TOP2B: variants seen among roughly 807,000 people sequenced by gnomAD.
TOP2B encodes the protein DNA topoisomerase II beta, also known as DNA topoisomerase 2-beta.
Under a neutral mutation model 193.5 loss-of-function variants are expected in TOP2B, and 51 were observed. The observed-to-expected ratio is 0.26, with a 90% CI of 0.21 to 0.33. The LOEUF (loss-of-function observed/expected upper bound fraction) is 0.33. Among genes scored for constraint, TOP2B ranks in the 10% least tolerant of loss-of-function variants. The pLI, the probability that TOP2B is intolerant of heterozygous loss-of-function variation, is 1.00. For missense variants in TOP2B, 1,378 were observed against 1,909.3 expected (o/e 0.72, Z 5.19); for synonymous variants, 634 against 635.7 (o/e 1.00, Z 0.04).
At chr3:25,631,950 T>C (rs1702971248) in intron 10 of TOP2B, among the ~76,000 whole-genome samples, 1 of 152,076 alleles carries the variant, frequency 6.6e-6, no homozygotes, top group Non-Finnish European at 1.5e-5. Flanking sequence ...GATTGATTCA[T>C]CTCCATTATT....
chr3:25,609,673 C>T lies in TOP2B; in HGVS notation c.3826G>A (p.Glu1276Lys). Residue 1276 changes from glutamate to lysine, a missense_variant, in exon 29 of 36, where the codon GAA (glutamate) becomes AAA (lysine). Physicochemically the swap from Glu to Lys is moderately conservative, Grantham distance 56. Around this residue, in one of 9 missense-constraint regions of TOP2B, gnomAD observed 556 missense variants for 584.2 expected, o/e 0.95. Coordinates refer to ENST00000264331, the MANE Select transcript of TOP2B (RefSeq NM_001330700.2). ...TCTACTGGTGCTCCACTGAATTCTT[C>T]ATCAAATTCCACTTTTACTGCTGCA... ...DTAAVKVEFD[E>K]EFSGAPVEGA... 1 of 1,523,390 alleles carries T rather than the reference C, an allele frequency of 6.6e-7. No individual in the cohort carries two copies. The highest frequency in any genetic ancestry group is 8.8e-7 in the Non-Finnish European group (1 of 1,141,516). 94.4% of individuals were successfully genotyped at this position (1,523,390 alleles called of 1,614,324 possible). A position where few individuals can be genotyped will look rare whatever the true frequency, so the allele number is the denominator to read the frequency against.
At chr3:25,650,537 G>A (rs546507564) in intron 1 of TOP2B, among the ~76,000 whole-genome samples, 1 of 152,264 alleles carries the variant, frequency 6.6e-6, no homozygotes, top group East Asian at 1.9e-4. Context: ...TAAAAGCTTT[G>A]CTCTTGTCTG....
At position 25,632,800 on chromosome 3, in the gene TOP2B, GAA is replaced by G; in HGVS notation, c.1027-8_1027-7del. The G allele has an allele frequency of 7.0e-6, 11 of 1,580,532 alleles. No individual in the cohort carries two copies. Among genetic ancestry groups the G allele is most frequent in the Non-Finnish European group, 7.8e-6 (9 of 1,161,128 alleles). Reference sequence around the variant, plus strand: ...TAATCCACGTGCCGTCCACCCTAAAGAAAAAAAAATATATGAAATCTGAAATC... The same window carrying G: ...TAATCCACGTGCCGTCCACCCTAAAGAAAAAAATATATGAAATCTGAAATC... On this transcript the variant is annotated splice_region_variant and splice_polypyrimidine_tract_variant and intron_variant, in intron 8 of 35. Transcript: ENST00000264331.
At chr3:25,639,252 T>C (rs1023826093) in intron 4 of TOP2B, among the ~76,000 whole-genome samples, 1 of 152,244 alleles carries the variant, frequency 6.6e-6, no homozygotes, top group African/African-American at 2.4e-5. Flanking sequence ...CAACTCTAAA[T>C]AAAGAACACT....
intron 25 of TOP2B, among the ~76,000 whole-genome samples, chr3:25,616,874 T>G (rs1465561697): frequency 6.6e-6 from 1 of 151,932 alleles, no homozygotes; most frequent in Non-Finnish European, 1.5e-5. Context: ...CTAAGAACAC[T>G]TCCAGAAATT....
At chr3:25,641,948 C>A (rs1320209779) in intron 4 of TOP2B, among the ~76,000 whole-genome samples, 1 of 152,008 alleles carries the variant, frequency 6.6e-6, no homozygotes, top group African/African-American at 2.4e-5. Flanking sequence ...TAAATTATGT[C>A]ATAAATAATG....
intron 30 of TOP2B, among the ~76,000 whole-genome samples, 157 bp downstream of exon 30, chr3:25,609,026 G>T (rs1457350149): frequency 6.6e-6 from 1 of 152,108 alleles, no homozygotes; most frequent in African/African-American, 2.4e-5. Context: ...GTCCAACTTT[G>T]CTAGAAAGAC....
chr3:25,610,783 G>A (rs1345837433), intron 28 of TOP2B, among the ~76,000 whole-genome samples: 1 of 152,116 alleles, frequency 6.6e-6, no homozygotes, highest in Non-Finnish European at 1.5e-5. Flanking sequence ...AGTAGAAAAG[G>A]GGAGAAATCA....
Position 25,645,467 on chromosome 3 carries a change from G to C in TOP2B, c.73C>G (p.Leu25Val). The C allele has an allele frequency of 6.2e-7, 1 of 1,602,800 alleles. No homozygotes were observed. Among genetic ancestry groups the C allele is most frequent in the Non-Finnish European group, 8.5e-7 (1 of 1,175,106 alleles). The part of the protein sequence containing the change: ...GGNGALTWVT[L>V]FDQNNAAKKE... ...TTTGCAGCATTGTTCTGATCAAAAA[G>C]AGTCTAAAATTAACCAAAAAATCAA... The change falls in exon 2 of 36, where the codon CTT becomes GTT. Residue 25 changes from leucine (L) to valine (V), a missense_variant. Leu to Val is a conservative substitution (Grantham distance 32). Around this residue, in one of 9 missense-constraint regions of TOP2B, gnomAD observed 83 missense variants for 59.3 expected, o/e 1.40. Transcript: ENST00000264331.
chr3:25,654,575 A>G (rs1703691611), intron 1 of TOP2B, among the ~76,000 whole-genome samples: 1 of 152,068 alleles, frequency 6.6e-6, no homozygotes, highest in South Asian at 2.1e-4. Context: ...CAGAAATACA[A>G]AAAAAAATCT....
At chr3:25,644,564 G>A (rs137880490) in intron 2 of TOP2B, among the ~76,000 whole-genome samples, 5 of 151,734 alleles carry the variant, frequency 3.3e-5, no homozygotes, top group African/African-American at 9.7e-5. Context: ...AGCCAGGCGT[G>A]GTGGCGCATG....
At chr3:25,598,836 A>G (rs959975792) in intron 35 of TOP2B, among the ~76,000 whole-genome samples, 1 of 152,208 alleles carries the variant, frequency 6.6e-6, no homozygotes, top group African/African-American at 2.4e-5. Context: ...ATGGGAGGAA[A>G]CAAGACTCCT....
At chr3:25,649,709 T>C (rs1405780310) in intron 1 of TOP2B, among the ~76,000 whole-genome samples, 1 of 151,492 alleles carries the variant, frequency 6.6e-6, no homozygotes, top group East Asian at 1.9e-4. Flanking sequence ...AAACAAACAC[T>C]GGGACAGTTC....
chr3:25,658,115 C>A (rs998200731), intron 1 of TOP2B, among the ~76,000 whole-genome samples: 1 of 149,984 alleles, frequency 6.7e-6, no homozygotes, highest in African/African-American at 2.5e-5. Context: ...GTAGTCCCAG[C>A]TACTCAGGAG....
intron 6 of TOP2B, 60 bp downstream of exon 6, chr3:25,637,155 A>G: frequency 7.5e-7 from 1 of 1,329,514 alleles, no homozygotes; most frequent in Non-Finnish European, 1.0e-6. Flanking sequence ...AGGTTCTACT[A>G]TCTCGGCAAG....
At chr3:25,607,083 A>G in intron 31 of TOP2B, 88 bp downstream of exon 31, 3 of 1,501,180 alleles carry the variant, frequency 2.0e-6, no homozygotes, top group Non-Finnish European at 2.7e-6. Flanking sequence ...CTAGAATGAT[A>G]ACAATTTCTT....
At chr3:25,609,419 A>G in intron 29 of TOP2B, 75 bp from the exon 30 acceptor site, 1 of 1,466,096 alleles carries the variant, frequency 6.8e-7, no homozygotes, top group Non-Finnish European at 9.1e-7. Flanking sequence ...AAATTGTTAT[A>G]ATGAAAAGTT....
intron 1 of TOP2B, among the ~76,000 whole-genome samples, chr3:25,646,743 T>G (rs1364254686): frequency 6.6e-6 from 1 of 152,200 alleles, no homozygotes; most frequent in Non-Finnish European, 1.5e-5. Context: ...AATTCCGCTT[T>G]AAAGTTTTTA....
At chr3:25,661,961 A>C (rs369743903) in intron 1 of TOP2B, among the ~76,000 whole-genome samples, 126 of 152,310 alleles carry the variant, frequency 8.3e-4, no homozygotes, top group Non-Finnish European at 1.3e-3. Flanking sequence ...AAAGCAGACG[A>C]AGTTACCTTT....
Sources: gnomAD v4.1 joint callset for allele counts (sites outside exome capture counted in the v4.1 genomes callset) on GRCh38, gnomAD v4.1.1 for gene constraint, gnomAD v4.1.1 regional missense constraint, MANE v1.5 for transcripts, NCBI Gene and HGNC (gene_info 2026-07-23, HGNC 2026-07-21) for gene names.